The following ESCO1 variants were observed in gnomAD, a reference collection of about 807,000 sequenced individuals.
The protein encoded by ESCO1 is N-acetyltransferase ESCO1.
ESCO1 carries 33 observed loss-of-function variants against 83.5 expected under a neutral mutation model. The observed-to-expected ratio is 0.40, with a 90% CI of 0.30 to 0.53. The LOEUF (loss-of-function observed/expected upper bound fraction) is 0.53, where lower values mean the gene tolerates loss of function less well. Among genes scored for constraint, ESCO1 ranks in the 20% least tolerant of loss-of-function variants. The probability of loss-of-function intolerance (pLI) is 0.63; values close to 1 mark genes in which losing one functional copy is unlikely to be tolerated. For missense variants in ESCO1, 855 were observed against 968.0 expected, an observed-to-expected ratio of 0.88 and a Z score of 1.55; for synonymous variants, 332 against 324.3, an observed-to-expected ratio of 1.02 and a Z score of -0.25.
At chr18:21,553,885 A>G (rs1400598338) in intron 8 of ESCO1, among the ~76,000 whole-genome samples, 1 of 151,166 alleles carries the variant, frequency 6.6e-6, no homozygotes, top group Non-Finnish European at 1.5e-5. Context: ...AAACACAAAC[A>G]CACAAAAAAA....
At chr18:21,597,804 G>A (rs1335309773) in intron 1 of ESCO1, among the ~76,000 whole-genome samples, 1 of 152,136 alleles carries the variant, frequency 6.6e-6, no homozygotes, top group African/African-American at 2.4e-5. Flanking sequence ...GCTGAACAGA[G>A]CAGAGGATAT....
At chr18:21,540,658 ACTC>A (rs2037894632) in intron 8 of ESCO1, 1 of 1,332,316 alleles carries the variant, frequency 7.5e-7, no homozygotes, top group South Asian at 1.2e-5. Flanking sequence ...GAGGTAATAA[ACTC>A]TTCTTCAGAT....
chr18:21,541,718 T>A (rs560894660), intron 8 of ESCO1, among the ~76,000 whole-genome samples: 3 of 152,244 alleles, frequency 2.0e-5, no homozygotes, highest in Admixed American at 6.5e-5. Context: ...TTACTAATGT[T>A]ACTTTATGAA....
At chr18:21,566,069 T>C in intron 6 of ESCO1, 77 bp downstream of exon 6, 5 of 1,363,946 alleles carry the variant, frequency 3.7e-6, no homozygotes, top group Non-Finnish European at 4.1e-6. Context: ...CTAGCATAAC[T>C]TTTTAGGGAA....
At chr18:21,537,417 C>T (rs1299676236) in intron 9 of ESCO1, among the ~76,000 whole-genome samples, 3 of 152,174 alleles carry the variant, frequency 2.0e-5, no homozygotes, top group African/African-American at 7.2e-5. Context: ...TGCCAGTAGT[C>T]CCAGCTACTC....
At chr18:21,589,110 G>A (rs924273020) in intron 1 of ESCO1, among the ~76,000 whole-genome samples, 7 of 151,880 alleles carry the variant, frequency 4.6e-5, no homozygotes, top group African/African-American at 9.7e-5. Flanking sequence ...GGCATGGTGC[G>A]CATCTGTAAT....
chr18:21,595,912 G>A lies in ESCO1; in HGVS notation c.-825+4711C>T, dbSNP rs534798382. ...CCAGGAGGCGGAGCTTGCAGTGAGC[G>A]GAGATCACGCCACTGCACTCCACCC... On this transcript the variant is annotated intron_variant, in intron 1 of 11. Coordinates refer to ENST00000269214, the MANE Select transcript of ESCO1 (RefSeq NM_052911.3). Among the ~76,000 whole-genome samples the A allele has an allele frequency of 7.5e-4, 113 of 150,442 alleles. 1 individual carries two copies. Among genetic ancestry groups the A allele is most frequent in the African/African-American group, 2.7e-3 (110 of 40,880 alleles).
At chr18:21,531,893 CAAAAAAA>C (rs10646843) in intron 11 of ESCO1, among the ~76,000 whole-genome samples, 1 of 82,070 alleles carries the variant, frequency 1.2e-5, no homozygotes, top group African/African-American at 4.9e-5. Context: ...GACTCCATCT[CAAAAAAA>C]AAAAAAAAAA....
chr18:21,574,877 TG>T lies in ESCO1; in HGVS notation c.-35del, dbSNP rs1482035420. The T allele has an allele frequency of 6.6e-7, 1 of 1,517,212 alleles. No individual in the cohort carries two copies. Among genetic ancestry groups the T allele is most frequent in the South Asian group, 1.3e-5 (1 of 76,730 alleles). 94.0% of individuals were successfully genotyped at this position (1,517,212 alleles called of 1,614,324 possible). A position where few individuals can be genotyped will look rare whatever the true frequency, so the allele number is the denominator to read the frequency against. On this transcript the variant is annotated 5_prime_UTR_variant, in exon 4 of 12. Coordinates refer to ENST00000269214, the MANE Select transcript of ESCO1 (RefSeq NM_052911.3). ...AATGACTTTCTTTTCTGAGTAGTTT[TG>T]AAGAGGATTTTTGTGTCCTGGTAGG...
At chr18:21,556,659 C>CTCCT (rs1461276507) in intron 8 of ESCO1, among the ~76,000 whole-genome samples, 1 of 151,966 alleles carries the variant, frequency 6.6e-6, no homozygotes, top group East Asian at 1.9e-4. Context: ...GGCTACTTCA[C>CTCCT]AGGACAGCAC....
intron 7 of ESCO1, among the ~76,000 whole-genome samples, chr18:21,561,610 T>C (rs950159820): frequency 6.6e-6 from 1 of 152,138 alleles, no homozygotes; most frequent in African/African-American, 2.4e-5. Context: ...GTATTTTTAG[T>C]AAAGATGGGG....
chr18:21,567,549 A>G (rs2038279412), intron 5 of ESCO1, among the ~76,000 whole-genome samples: 1 of 152,176 alleles, frequency 6.6e-6, no homozygotes, highest in African/African-American at 2.4e-5. Flanking sequence ...GACAATTTGC[A>G]GCATTTATTA....
rs750982365 is a variant in ESCO1 at position 21,573,808 on chromosome 18, C to T, written c.1036G>A (p.Val346Ile). The T allele has an allele frequency of 6.2e-7, 1 of 1,614,118 alleles. No individual in the cohort carries two copies. Among genetic ancestry groups the T allele is most frequent in the Non-Finnish European group, 8.5e-7 (1 of 1,180,020 alleles). Residue 346 changes from valine (V) to isoleucine (I), a missense_variant, in exon 4 of 12, where the codon GTT becomes ATT. Physicochemically the swap from Val to Ile is conservative, Grantham distance 29. This residue lies in a region of ESCO1 where 726 missense variants were observed against 699.5 expected (regional missense o/e 1.04). Coordinates refer to ENST00000269214, the MANE Select transcript of ESCO1 (RefSeq NM_052911.3). ...TTCTGATGAAGTATTTGTCTTTCAACACTGGTCTCTTCCAATTTTATTTCT... is the reference window on the plus strand; with the variant it reads ...TTCTGATGAAGTATTTGTCTTTCAATACTGGTCTCTTCCAATTTTATTTCT... ...PTEIKLEETS[V>I]ERQILHQKET...
chr18:21,574,561 G>T lies in ESCO1; in HGVS notation c.283C>A (p.Gln95Lys). 6.2e-7 allele frequency: 1 copy of T among 1,613,776 alleles called. No individual in the cohort carries two copies. The highest frequency in any genetic ancestry group is 2.2e-5 in the East Asian group (1 of 44,858). The change falls in exon 4 of 12, where the codon CAA (glutamine) becomes AAA (lysine). Residue 95 changes from glutamine (Q) to lysine (K), a missense_variant. By Grantham distance (53) the Gln-to-Lys change is moderately conservative. This residue lies in a region of ESCO1 where 726 missense variants were observed against 699.5 expected (regional missense o/e 1.04). Coordinates refer to ENST00000269214, the MANE Select transcript of ESCO1 (RefSeq NM_052911.3). ...KNTVTVRGYSQESTKKKLSQK... is the reference protein window; with the variant it reads ...KNTVTVRGYSKESTKKKLSQK... ...GATAATTTCTTTTTTGTAGATTCTT[G>T]TGAATATCCCCTCACAGTCACCGTA...
At chr18:21,583,734 A>C (rs2038535702) in intron 2 of ESCO1, among the ~76,000 whole-genome samples, 1 of 152,138 alleles carries the variant, frequency 6.6e-6, no homozygotes, top group African/African-American at 2.4e-5. Flanking sequence ...TGAAGAGTGG[A>C]GAGAGGGAGA....
intron 8 of ESCO1, among the ~76,000 whole-genome samples, chr18:21,544,962 C>T (rs1042342380): frequency 6.6e-6 from 1 of 152,198 alleles, no homozygotes; most frequent in Non-Finnish European, 1.5e-5. Context: ...GCAGCTAGAC[C>T]TGAAGTGTGA....
intron 11 of ESCO1, 25 bp from the exon 12 acceptor site, chr18:21,530,515 G>T: frequency 4.2e-6 from 5 of 1,200,530 alleles, no homozygotes; most frequent in Non-Finnish European, 4.5e-6. Flanking sequence ...TGGGGGGGGG[G>T]AAGGGTTAAG....
chr18:21,598,676 C>T (rs2038798630), intron 1 of ESCO1, among the ~76,000 whole-genome samples: 1 of 151,366 alleles, frequency 6.6e-6, no homozygotes, highest in Non-Finnish European at 1.5e-5. Context: ...CCCTCCAGCC[C>T]GGACGACAGA....
At chr18:21,568,610 C>A (rs1269487234) in intron 4 of ESCO1, among the ~76,000 whole-genome samples, 1 of 152,102 alleles carries the variant, frequency 6.6e-6, no homozygotes, top group Non-Finnish European at 1.5e-5. Context: ...AGATTTTGAA[C>A]TTAAGCACCC....
Sources: allele counts gnomAD v4.1 joint callset (sites outside exome capture counted in the v4.1 genomes callset), GRCh38; gene constraint gnomAD v4.1.1; regional missense constraint gnomAD v4.1.1; transcripts MANE v1.5; gene names NCBI Gene and HGNC (gene_info 2026-07-23, HGNC 2026-07-21).